The following VCAN variants were observed in gnomAD, a reference collection of about 807,000 sequenced individuals.
The protein encoded by VCAN is versican, also known as versican core protein.
Under a neutral mutation model 245.5 loss-of-function variants are expected in VCAN, and 44 were observed. That is an observed-to-expected ratio of 0.18 (90% confidence interval 0.14 to 0.23). The LOEUF (loss-of-function observed/expected upper bound fraction) is 0.23, where lower values mean the gene tolerates loss of function less well. Ranked by LOEUF, VCAN falls within the 10% of genes least tolerant of loss-of-function variation. The pLI is 1.00. For missense variants in VCAN, 3,793 were observed against 4,057.9 expected, an observed-to-expected ratio of 0.93 and a Z score of 1.77; for synonymous variants, 1,413 against 1,437.0, an observed-to-expected ratio of 0.98 and a Z score of 0.38.
chr5:83,538,201 G>C lies in VCAN; in HGVS notation c.5198G>C (p.Gly1733Ala). 1 of 1,613,838 alleles carries C rather than the reference G, an allele frequency of 6.2e-7. No individual in the cohort carries two copies. Among genetic ancestry groups the C allele is most frequent in the East Asian group, 2.2e-5 (1 of 44,862 alleles). The part of the protein sequence containing the change: ...KKRKEEEGTT[G>A]TASTFEVYSS... ...AGGAAGGAGGAGGAGGGAACTACAG[G>C]TACGGCTTCTACATTTGAGGTATAT... The change falls in exon 8 of 15, where the codon GGT becomes GCT. Residue 1733 changes from glycine (G) to alanine (A), a missense_variant. Transcript: ENST00000265077.
intron 3 of VCAN, among the ~76,000 whole-genome samples, chr5:83,493,345 G>T (rs898096928): frequency 1.3e-5 from 2 of 152,154 alleles, no homozygotes; most frequent in Non-Finnish European, 2.9e-5. Context: ...GAGCAGAATG[G>T]GATGTCTAGA....
intron 13 of VCAN, among the ~76,000 whole-genome samples, chr5:83,579,484 T>TA (rs1450549023): frequency 6.6e-6 from 1 of 152,080 alleles, no homozygotes; most frequent in African/African-American, 2.4e-5. Context: ...AGGATGGTCT[T>TA]AATCTCTTGA....
chr5:83,477,873 A>G (rs969917726), intron 1 of VCAN, among the ~76,000 whole-genome samples: 8 of 152,156 alleles, frequency 5.3e-5, no homozygotes, highest in African/African-American at 1.9e-4. Flanking sequence ...AATTAAATAA[A>G]TAGTAATTAA....
intron 7 of VCAN, among the ~76,000 whole-genome samples, chr5:83,528,131 C>A (rs905153153): frequency 8.5e-5 from 13 of 152,102 alleles, no homozygotes; most frequent in Admixed American, 2.6e-4. Flanking sequence ...AACATTAACA[C>A]AATCAAATAC....
At chr5:83,561,720 A>T (rs571346827) in intron 12 of VCAN, among the ~76,000 whole-genome samples, 1 of 152,324 alleles carries the variant, frequency 6.6e-6, no homozygotes, top group Admixed American at 6.5e-5. Flanking sequence ...ATAAAGAAAT[A>T]GCCCTTACCC....
In VCAN at chr5:83,541,532, C is replaced by G; in HGVS notation, c.8529C>G (p.Ile2843Met). 1 of 1,613,928 alleles carries G rather than the reference C, an allele frequency of 6.2e-7. No homozygotes were observed. Among genetic ancestry groups the G allele is most frequent in the Non-Finnish European group, 8.5e-7 (1 of 1,180,008 alleles). ...SGSEASGHTE[I>M]PQPSALPGID... Reference sequence around the variant, plus strand: ...GTGAAGCCTCTGGACACACAGAGATCCCCCAGCCCAGTGCTCTGCCAGGAA... The same window carrying G: ...GTGAAGCCTCTGGACACACAGAGATGCCCCAGCCCAGTGCTCTGCCAGGAA... The change falls in exon 8 of 15, where the codon ATC becomes ATG. Residue 2843 changes from isoleucine (I) to methionine (M), a missense_variant. Physicochemically the swap from Ile to Met is conservative, Grantham distance 10 (BLOSUM62 1). Transcript: ENST00000265077.
Position 83,537,733 on chromosome 5 carries a change from G to C in VCAN, c.4730G>C (p.Ser1577Thr), listed in dbSNP as rs35443373. Reference sequence around the variant, plus strand: ...ACATTTGGTGAAGAGGTAGAAAAAAGTACTTCTGTCACATACACTCCCACT... The same window carrying C: ...ACATTTGGTGAAGAGGTAGAAAAAACTACTTCTGTCACATACACTCCCACT... ...EVTFGEEVEK[S>T]TSVTYTPTIV... The change falls in exon 8 of 15, where the codon AGT (serine) becomes ACT (threonine). Residue 1577 changes from serine to threonine, a missense_variant. Ser to Thr is a moderately conservative substitution (Grantham distance 58, BLOSUM62 1). Around this residue, in one of 5 missense-constraint regions of VCAN, gnomAD observed 3,182 missense variants for 3,250.3 expected, o/e 0.98. Coordinates refer to ENST00000265077, the MANE Select transcript of VCAN (RefSeq NM_004385.5). 5.6e-6 allele frequency: 9 copies of C among 1,613,950 alleles called. No homozygotes were observed. The highest frequency in any genetic ancestry group is 7.6e-6 in the Non-Finnish European group (9 of 1,179,944).
chr5:83,534,488 T>G (rs1293441896), intron 7 of VCAN, among the ~76,000 whole-genome samples: 1 of 152,040 alleles, frequency 6.6e-6, no homozygotes, highest in African/African-American at 2.4e-5. Context: ...TCTCTGTACT[T>G]AAATGAAAGT....
At chr5:83,482,484 G>A (rs1744645918) in intron 1 of VCAN, among the ~76,000 whole-genome samples, 2 of 152,232 alleles carry the variant, frequency 1.3e-5, no homozygotes, top group South Asian at 4.1e-4. Flanking sequence ...TCCAAAGTAT[G>A]TGACTGAGGG....
intron 2 of VCAN, 41 bp from the exon 3 acceptor site, chr5:83,490,057 T>G (rs1744925890): frequency 6.2e-7 from 1 of 1,611,860 alleles, no homozygotes; most frequent in Non-Finnish European, 8.5e-7. Flanking sequence ...TAAGTTTGGG[T>G]TTTTTAAGAT....
rs1746086073 is a variant in VCAN, at chr5:83,521,261, G to T, written c.2955G>T (p.Val985=). Residue 985 remains valine (V), a synonymous_variant, in exon 7 of 15, where the codon GTG becomes GTT. Transcript: ENST00000265077. ...TAATTCCCAAGACAGACTGGGGAGT[G>T]TTAGTACCTTCTGTTCCATCAGAAG... is the stretch of plus-strand genomic sequence containing the variant. The part of the protein sequence containing the change: ...LSVIPKTDWG[V]LVPSVPSEDE... 1 of 1,614,154 alleles carries T rather than the reference G, an allele frequency of 6.2e-7. No individual in the cohort carries two copies. Among genetic ancestry groups the T allele is most frequent in the Non-Finnish European group, 8.5e-7 (1 of 1,179,982 alleles).
intron 2 of VCAN, among the ~76,000 whole-genome samples, chr5:83,489,132 A>C (rs758486226): frequency 6.7e-6 from 1 of 149,496 alleles, no homozygotes; most frequent in Non-Finnish European, 1.5e-5. Flanking sequence ...TGGTTAAAAA[A>C]TCATTATTTC....
At position 83,540,266 on chromosome 5, in the gene VCAN, A is replaced by G. The variant is rs138178759; in HGVS notation, c.7263A>G (p.Pro2421=). ...AATTTGTTACATCAGCACCAAAACC[A>G]TCTGACTTGTATTATGAACCTTCTG... ...AKEFVTSAPK[P]SDLYYEPSGE... The change falls in exon 8 of 15, where the codon CCA becomes CCG. Residue 2421 remains proline, a synonymous_variant. Transcript: ENST00000265077. 1.2e-5 allele frequency: 20 copies of G among 1,614,138 alleles called. No homozygotes were observed. The African/African-American group carries it at 2.5e-4, about 20-fold the overall frequency.
rs974893955 is a variant in VCAN at position 83,519,712 on chromosome 5, A to G, written c.1406A>G (p.Tyr469Cys). 2 of 1,614,192 alleles carry G rather than the reference A, an allele frequency of 1.2e-6. No individual in the cohort carries two copies. The highest frequency in any genetic ancestry group is 1.7e-6 in the Non-Finnish European group (2 of 1,179,996). Residue 469 changes from tyrosine to cysteine, a missense_variant, in exon 7 of 15, where the codon TAT becomes TGT. By Grantham distance (194) the Tyr-to-Cys change is radical. Transcript: ENST00000265077. ...VLQSTTGVSHYATDSWDGVVE... is the reference protein window; with the variant it reads ...VLQSTTGVSHCATDSWDGVVE... The stretch of plus-strand genomic sequence containing the variant: ...CAGAGTACAACTGGCGTCTCTCATT[A>G]TGCTACGGATTCATGGGATGGTGTC...
chr5:83,487,499 C>T (rs1744833778), intron 2 of VCAN, among the ~76,000 whole-genome samples: 1 of 152,162 alleles, frequency 6.6e-6, no homozygotes, highest in African/African-American at 2.4e-5. Context: ...AACATGCATA[C>T]TCTGTAAACA....
Position 83,537,505 on chromosome 5 carries a change from T to C in VCAN, c.4502T>C (p.Phe1501Ser). Residue 1501 changes from phenylalanine (F) to serine (S), a missense_variant, in exon 8 of 15, where the codon TTC becomes TCC. Physicochemically the swap from Phe to Ser is radical, Grantham distance 155 (BLOSUM62 -2). Transcript: ENST00000265077. Reference sequence around the variant, plus strand: ...TTTTCAGGTGGTGAGCCTGATGTTTTCCCCACAGTCCCATTCCATGAGGAA... The same window carrying C: ...TTTTCAGGTGGTGAGCCTGATGTTTCCCCCACAGTCCCATTCCATGAGGAA... Reference protein sequence around the residue: ...EHFSGGEPDVFPTVPFHEEFE... With the variant: ...EHFSGGEPDVSPTVPFHEEFE... The C allele has an allele frequency of 6.2e-7, 1 of 1,613,878 alleles. No homozygotes were observed. Among genetic ancestry groups the C allele is most frequent in the Non-Finnish European group, 8.5e-7 (1 of 1,179,928 alleles).
At chr5:83,532,763 G>T (rs2112431643) in intron 7 of VCAN, among the ~76,000 whole-genome samples, 1 of 152,116 alleles carries the variant, frequency 6.6e-6, no homozygotes, top group Admixed American at 6.6e-5. Flanking sequence ...CTTATTTAAA[G>T]AATAATAATA....
At chr5:83,532,685 G>A (rs943855350) in intron 7 of VCAN, among the ~76,000 whole-genome samples, 2 of 151,944 alleles carry the variant, frequency 1.3e-5, no homozygotes, top group East Asian at 3.9e-4. Context: ...CTGCACTCTA[G>A]CCTGGGTAAC....
chr5:83,540,802 A>T lies in VCAN; in HGVS notation c.7799A>T (p.Glu2600Val). Residue 2600 changes from glutamate (E) to valine (V), a missense_variant, in exon 8 of 15, where the codon GAG becomes GTG. By Grantham distance (121) the Glu-to-Val change is moderately radical (BLOSUM62 -2). This residue lies in a region of VCAN where 3,182 missense variants were observed against 3,250.3 expected (regional missense o/e 0.98). Coordinates refer to ENST00000265077, the MANE Select transcript of VCAN (RefSeq NM_004385.5). ...GGAATGCAAACAGATATAGATACAG[A>T]GGTACCATCAGAACCACATGACAGT... ...ILGMQTDIDT[E>V]VPSEPHDSND... 6.2e-7 allele frequency: 1 copy of T among 1,614,022 alleles called. No homozygotes were observed. Among genetic ancestry groups the T allele is most frequent in the Non-Finnish European group, 8.5e-7 (1 of 1,179,970 alleles).
Sources: allele counts gnomAD v4.1 joint callset (sites outside exome capture counted in the v4.1 genomes callset), GRCh38; gene constraint gnomAD v4.1.1; regional missense constraint gnomAD v4.1.1; transcripts MANE v1.5; gene names NCBI Gene and HGNC (gene_info 2026-07-23, HGNC 2026-07-21).